The following SCGB3A2 variants were observed in gnomAD, a reference collection of about 807,000 sequenced individuals.
The protein encoded by SCGB3A2 is pneumo secretory protein 1.
Under a neutral mutation model 7.7 loss-of-function variants are expected in SCGB3A2, and 5 were observed. The observed-to-expected ratio is 0.65, with a 90% confidence interval of 0.34 to 1.36. SCGB3A2 has a LOEUF of 1.36. Ranked by LOEUF, SCGB3A2 falls within the 40% of genes most tolerant of loss-of-function variation. SCGB3A2 has a pLI of 0.04. For missense variants in SCGB3A2, 109 were observed against 103.6 expected (o/e 1.05, Z -0.23); for synonymous variants, 44 against 42.7 (o/e 1.03, Z -0.12).
At chr5:147,881,358 G>C (rs755395634) in intron 1 of SCGB3A2, 88 bp from the exon 2 acceptor site, 26 of 997,048 alleles carry the variant, frequency 2.6e-5, no homozygotes, top group Non-Finnish European at 4.1e-5. Context: ...ATCTGGAATG[G>C]AGCTATTGAT....
At chr5:147,880,567 T>C (rs956928006) in intron 1 of SCGB3A2, among the ~76,000 whole-genome samples, 1 of 152,184 alleles carries the variant, frequency 6.6e-6, no homozygotes, top group South Asian at 2.1e-4. Context: ...TCTCCTCTTC[T>C]TTACCTTATG....
intron 1 of SCGB3A2, 126 bp downstream of exon 1, chr5:147,878,984 T>C (rs1757304258): frequency 2.8e-6 from 2 of 705,064 alleles, no homozygotes; most frequent in East Asian, 2.6e-5. Flanking sequence ...TTTTTTTTAT[T>C]TTACTTTTAA....
chr5:147,881,711 T>C (rs1293984664), intron 2 of SCGB3A2, 63 bp downstream of exon 2: 1 of 1,281,684 alleles, frequency 7.8e-7, no homozygotes, highest in African/African-American at 1.5e-5. Flanking sequence ...AATGTCTAGC[T>C]CCTCTTCTTG....
At chr5:147,879,145 A>T (rs1333061013) in intron 1 of SCGB3A2, among the ~76,000 whole-genome samples, 2 of 152,190 alleles carry the variant, frequency 1.3e-5, no homozygotes, top group East Asian at 3.9e-4. Context: ...AAGTTAGCCA[A>T]CTTCCACGGA....
rs749079885 is a variant in SCGB3A2, at chr5:147,881,668, C to T, written c.258+20C>T. On this transcript the variant is annotated intron_variant, in intron 2 of 2. Transcript: ENST00000296694. The stretch of plus-strand genomic sequence containing the variant: ...CTGCTGGTAACCACAGCTTGGGAGG[C>T]TAATCTGCCAAAGGGGAGGCATACT... The T allele has an allele frequency of 1.2e-6, 2 of 1,601,602 alleles. No individual in the cohort carries two copies. The highest frequency in any genetic ancestry group is 2.2e-5 in the South Asian group (2 of 90,140).
chr5:147,879,938 G>A (rs1389187040), intron 1 of SCGB3A2, among the ~76,000 whole-genome samples: 1 of 152,148 alleles, frequency 6.6e-6, no homozygotes, highest in Non-Finnish European at 1.5e-5. Flanking sequence ...TCCAGGGACA[G>A]GTATCTATGG....
intron 1 of SCGB3A2, chr5:147,880,711 T>C (rs13355726): frequency 0.25 from 37,523 of 152,196 alleles, 5,819 homozygotes; most frequent in African/African-American, 0.43. Flanking sequence ...GCATAGCACA[T>C]GCTACACTGT....
intron 2 of SCGB3A2, 151 bp downstream of exon 2, chr5:147,881,799 A>G: frequency 1.3e-6 from 1 of 783,278 alleles, no homozygotes; most frequent in Admixed American, 2.8e-5. Flanking sequence ...CAGGAAAAAT[A>G]CAATTTCTAC....
At chr5:147,881,339 G>C (rs1188566576) in intron 1 of SCGB3A2, 107 bp from the exon 2 acceptor site, 2 of 877,194 alleles carry the variant, frequency 2.3e-6, no homozygotes, top group African/African-American at 3.3e-5. Context: ...ATGGAAGTAA[G>C]ATGAGTGGAT....
At chr5:147,879,710 G>C (rs960194603) in intron 1 of SCGB3A2, among the ~76,000 whole-genome samples, 5 of 152,198 alleles carry the variant, frequency 3.3e-5, no homozygotes, top group African/African-American at 9.7e-5. Flanking sequence ...ACTGCTCATT[G>C]AGAGAACAGA....
At chr5:147,881,371 A>G in intron 1 of SCGB3A2, 75 bp from the exon 2 acceptor site, 1 of 1,145,006 alleles carries the variant, frequency 8.7e-7, no homozygotes, top group South Asian at 1.3e-5. Context: ...CTATTGATGG[A>G]CACAGGGAAA....
chr5:147,878,875 C>T lies in SCGB3A2; in HGVS notation c.55+17C>T, dbSNP rs780272130. ...GTTACTCTGGTAAGTAACTGGAATA[C>T]ATCTGGAATATGTGACATTTCTTTA... On this transcript the variant is annotated intron_variant, in intron 1 of 2. Transcript: ENST00000296694. 1.3e-6 allele frequency: 2 copies of T among 1,572,770 alleles called. No individual in the cohort carries two copies. Among genetic ancestry groups the T allele is most frequent in the South Asian group, 1.1e-5 (1 of 90,112 alleles).
chr5:147,881,329 A>T (rs1184025751), intron 1 of SCGB3A2, 117 bp from the exon 2 acceptor site: 7 of 835,856 alleles, frequency 8.4e-6, no homozygotes, highest in Non-Finnish European at 1.2e-5. Context: ...GAAGTTTTCA[A>T]TGGAAGTAAG....
At chr5:147,878,929 A>C (rs1757302869) in intron 1 of SCGB3A2, 71 bp downstream of exon 1, 2 of 1,091,194 alleles carry the variant, frequency 1.8e-6, no homozygotes, top group East Asian at 4.8e-5. Context: ...CACAACTAGT[A>C]AGCCTTGCCT....
At chr5:147,879,402 C>G (rs1002072924) in intron 1 of SCGB3A2, among the ~76,000 whole-genome samples, 1 of 152,150 alleles carries the variant, frequency 6.6e-6, no homozygotes, top group African/African-American at 2.4e-5. Flanking sequence ...ACTGGATAGG[C>G]ATTGGAAGAT....
At chr5:147,879,972 T>C (rs1006525646) in intron 1 of SCGB3A2, among the ~76,000 whole-genome samples, 2 of 151,884 alleles carry the variant, frequency 1.3e-5, no homozygotes, top group African/African-American at 4.8e-5. Flanking sequence ...AGAAAGGAGG[T>C]GGGGAAAATA....
At chr5:147,879,536 A>G (rs1425637362) in intron 1 of SCGB3A2, among the ~76,000 whole-genome samples, 1 of 152,142 alleles carries the variant, frequency 6.6e-6, no homozygotes, top group African/African-American at 2.4e-5. Context: ...TCCAGATAGA[A>G]CTCTTTTAGT....
At chr5:147,879,349 T>C (rs1757310522) in intron 1 of SCGB3A2, among the ~76,000 whole-genome samples, 1 of 152,256 alleles carries the variant, frequency 6.6e-6, no homozygotes, top group South Asian at 2.1e-4. Flanking sequence ...CATCTGTTTA[T>C]CCACTCAATG....
In SCGB3A2 at chr5:147,882,050, A is replaced by T; in HGVS notation, c.282A>T (p.Ter94CysextTer21). 1 of 1,613,904 alleles carries T rather than the reference A, an allele frequency of 6.2e-7. No homozygotes were observed. Among genetic ancestry groups the T allele is most frequent in the Non-Finnish European group, 8.5e-7 (1 of 1,179,842 alleles). Residue 94 changes from the stop codon to cysteine (C), a stop_lost, in exon 3 of 3, where the codon TGA (stop) becomes TGT (cysteine). Transcript: ENST00000296694. Reference protein sequence around the residue: ...KLLEALSHLV* With the variant: ...KLLEALSHLVC ...AGGAGGCGCTATCACACTTGGTGTG[A>T]CATCAAGATAAAGAGCGGAGGTGGA... is the stretch of plus-strand genomic sequence containing the variant.
Sources: allele counts gnomAD v4.1 joint callset (sites outside exome capture counted in the v4.1 genomes callset), GRCh38; gene constraint gnomAD v4.1.1; transcripts MANE v1.5; gene names NCBI Gene and HGNC (gene_info 2026-07-23, HGNC 2026-07-21).